MGAM2: variants seen among roughly 807,000 people sequenced by gnomAD.
The protein encoded by MGAM2 is probable maltase-glucoamylase 2.
In MGAM2, 98 loss-of-function variants were observed where a neutral mutation model predicts 96.1. The ratio of observed to expected loss-of-function variants is 1.02; its 90% CI spans 0.87 to 1.21. The LOEUF (loss-of-function observed/expected upper bound fraction) is 1.21. Ranked by LOEUF, MGAM2 falls within the 50% of genes most tolerant of loss-of-function variation. The probability of loss-of-function intolerance (pLI) is 0.00; values close to 1 mark genes in which losing one functional copy is unlikely to be tolerated. For missense variants in MGAM2, 2,055 were observed against 1,182.4 expected, an observed-to-expected ratio of 1.74 and a Z score of -10.82; for synonymous variants, 749 against 414.8, an observed-to-expected ratio of 1.81 and a Z score of -9.79.
chr7:142,216,363 T>C (rs1797760906), intron 46 of MGAM2, among the ~76,000 whole-genome samples: 1 of 152,348 alleles, frequency 6.6e-6, no homozygotes, highest in East Asian at 1.9e-4. Flanking sequence ...TTTTAAAAAA[T>C]TGTAAAACAT....
intron 46 of MGAM2, among the ~76,000 whole-genome samples, chr7:142,213,769 C>A (rs1023185708): frequency 3.3e-5 from 5 of 152,138 alleles, no homozygotes; most frequent in Admixed American, 3.3e-4. Context: ...TACCGTTCCT[C>A]CTGAAACTAT....
At chr7:142,210,809 G>A (rs1797558397) in intron 46 of MGAM2, among the ~76,000 whole-genome samples, 1 of 152,216 alleles carries the variant, frequency 6.6e-6, no homozygotes, top group African/African-American at 2.4e-5. Context: ...AGAGAGCAGT[G>A]GATCTCCCAG....
At chr7:142,150,344 A>G (rs2129083552) in intron 15 of MGAM2, among the ~76,000 whole-genome samples, 1 of 152,282 alleles carries the variant, frequency 6.6e-6, no homozygotes, top group East Asian at 1.9e-4. Context: ...TTGTGCCCTC[A>G]CATACGATCA....
intron 15 of MGAM2, among the ~76,000 whole-genome samples, chr7:142,153,018 C>G (rs1186030759): frequency 7.5e-6 from 1 of 133,188 alleles, no homozygotes. Context: ...TTGTCTGAGA[C>G]AGAGCCTTGC....
chr7:142,177,480 A>G (rs183786361), intron 32 of MGAM2, among the ~76,000 whole-genome samples: 5 of 152,274 alleles, frequency 3.3e-5, no homozygotes, highest in Non-Finnish European at 7.4e-5. Context: ...GATAGTGAAC[A>G]TAGCACCAAA....
chr7:142,134,986 G>T (rs1795013524), intron 7 of MGAM2, among the ~76,000 whole-genome samples: 1 of 152,122 alleles, frequency 6.6e-6, no homozygotes, highest in South Asian at 2.1e-4. Flanking sequence ...GTGGCTGACT[G>T]ATAACAAAGG....
chr7:142,147,136 G>A (rs1219160976), intron 14 of MGAM2, among the ~76,000 whole-genome samples: 1 of 152,166 alleles, frequency 6.6e-6, no homozygotes, highest in South Asian at 2.1e-4. Flanking sequence ...AATTTATGTA[G>A]ATAAACACTA....
At chr7:142,118,911 G>A (rs572227492) in intron 2 of MGAM2, among the ~76,000 whole-genome samples, 4 of 152,230 alleles carry the variant, frequency 2.6e-5, no homozygotes, top group Admixed American at 6.5e-5. Context: ...AAATAAAAAT[G>A]TCTGTGACCT....
chr7:142,171,758 T>C (rs73741112), intron 28 of MGAM2, among the ~76,000 whole-genome samples: 14,187 of 149,936 alleles, frequency 0.095, 776 homozygotes, highest in East Asian at 0.15. Flanking sequence ...GTCAGGCACA[T>C]TGCTAAGTGC....
At chr7:142,196,350 A>T (rs905499827) in intron 38 of MGAM2, 63 bp downstream of exon 38, 3 of 674,952 alleles carry the variant, frequency 4.4e-6, no homozygotes, top group African/African-American at 1.8e-5. Flanking sequence ...TGTGCTGTTC[A>T]ACAGCACTGG....
chr7:142,130,127 CA>C (rs1201836819), intron 3 of MGAM2, among the ~76,000 whole-genome samples: 2 of 151,778 alleles, frequency 1.3e-5, no homozygotes, highest in African/African-American at 4.8e-5. Flanking sequence ...TAAATAACAC[CA>C]AAAGAATATT....
intron 26 of MGAM2, among the ~76,000 whole-genome samples, chr7:142,167,913 G>A (rs954314653): frequency 6.6e-6 from 1 of 152,138 alleles, no homozygotes; most frequent in African/African-American, 2.4e-5. Context: ...ATGGATGAGG[G>A]AGCTAAGGCC....
At chr7:142,207,580 C>T (rs1297741574) in intron 45 of MGAM2, among the ~76,000 whole-genome samples, 1 of 151,984 alleles carries the variant, frequency 6.6e-6, no homozygotes, top group Non-Finnish European at 1.5e-5. Context: ...CGCCCACCAC[C>T]ACGCCCGGCT....
chr7:142,164,885 T>C lies in MGAM2; in HGVS notation c.2514T>C (p.Asn838=), dbSNP rs1047384017. The C allele has an allele frequency of 1.4e-6, 1 of 699,952 alleles. No individual in the cohort carries two copies. Among genetic ancestry groups the C allele is most frequent in the African/African-American group, 1.8e-5 (1 of 56,976 alleles). The allele number at this position is 699,952 out of a possible 1,614,324, so 43.4% of individuals were successfully genotyped here. The change falls in exon 24 of 48, where the codon AAT becomes AAC. Residue 838 remains asparagine, a synonymous_variant. Transcript: ENST00000477922. ...SNHLQAKIIN[N]NYMDTDNLMF... is the part of the protein sequence containing the mutation. Reference sequence around the variant, plus strand: ...ATCTACAAGCAAAGATTATAAATAATAATTATATGGACACTGACAACCTCA... The same window carrying C: ...ATCTACAAGCAAAGATTATAAATAACAATTATATGGACACTGACAACCTCA...
chr7:142,159,650 C>G (rs28480448), intron 20 of MGAM2, among the ~76,000 whole-genome samples: 17,247 of 152,140 alleles, frequency 0.11, 1,097 homozygotes, highest in East Asian at 0.23. Context: ...ATGGCACCTC[C>G]TTGCTCCTCC....
At chr7:142,126,979 A>T (rs1794749279) in intron 3 of MGAM2, among the ~76,000 whole-genome samples, 1 of 152,240 alleles carries the variant, frequency 6.6e-6, no homozygotes. Flanking sequence ...GACACTGCAA[A>T]TCAGTGGTGG....
chr7:142,179,388 A>C (rs1796470980), intron 32 of MGAM2, among the ~76,000 whole-genome samples: 1 of 152,136 alleles, frequency 6.6e-6, no homozygotes, highest in Admixed American at 6.5e-5. Flanking sequence ...GACTTTCAGT[A>C]CTATGTTAAA....
intron 44 of MGAM2, 61 bp from the exon 45 acceptor site, chr7:142,199,819 G>C (rs1206125621): frequency 1.6e-6 from 1 of 608,982 alleles, no homozygotes; most frequent in Admixed American, 2.7e-5. Flanking sequence ...AACACAGTCT[G>C]TTCTTTATTC....
chr7:142,196,835 C>A lies in MGAM2; in HGVS notation c.4632+19C>A. On this transcript the variant is annotated intron_variant, in intron 40 of 47. Coordinates refer to ENST00000477922, the MANE Select transcript of MGAM2 (RefSeq NM_001293626.2). ...GACAAGGGTGAGGCAGTAGTTCGTG[C>A]TCCAGGTGTTGTGTACCCTCAAATC... is the stretch of plus-strand genomic sequence containing the variant. The A allele has an allele frequency of 1.3e-6, 1 of 768,402 alleles. No individual in the cohort carries two copies. The highest frequency in any genetic ancestry group is 2.4e-6 in the Non-Finnish European group (1 of 413,222). 47.6% of individuals were successfully genotyped at this position (768,402 alleles called of 1,614,324 possible).
Sources: allele counts gnomAD v4.1 joint callset (sites outside exome capture counted in the v4.1 genomes callset), GRCh38; gene constraint gnomAD v4.1.1; transcripts MANE v1.5; gene names NCBI Gene and HGNC (gene_info 2026-07-23, HGNC 2026-07-21).